ENAH: variants seen among roughly 807,000 people sequenced by gnomAD.
ENAH encodes protein enabled homolog.
A neutral mutation model predicts 78.7 loss-of-function variants in ENAH; 23 were observed. That is an observed-to-expected ratio of 0.29 (90% CI 0.21 to 0.41). The LOEUF is 0.41. ENAH is among the 10% of genes least tolerant of loss of function. ENAH has a pLI of 1.00. For missense variants in ENAH, 544 were observed against 691.0 expected (o/e 0.79, Z 2.39); for synonymous variants, 226 against 241.0 (o/e 0.94, Z 0.58).
chr1:225,525,533 C>T (rs1268974726), intron 4 of ENAH, among the ~76,000 whole-genome samples: 3 of 152,170 alleles, frequency 2.0e-5, no homozygotes, highest in Admixed American at 1.3e-4. Flanking sequence ...AGAAACTACC[C>T]GTCGGGAGCC....
chr1:225,643,190 G>A (rs1220730270), intron 1 of ENAH, among the ~76,000 whole-genome samples: 2 of 152,108 alleles, frequency 1.3e-5, no homozygotes, highest in Non-Finnish European at 2.9e-5. Flanking sequence ...CTTTACATGG[G>A]AAATAACAAT....
chr1:225,535,384 T>C lies in ENAH; in HGVS notation c.350-4746A>G, dbSNP rs41310559. 2.7e-4 allele frequency: 121 copies of C among 451,370 alleles called. 1 individual carries two copies. The highest frequency in any genetic ancestry group is 1.2e-3 in the South Asian group (55 of 46,492). The allele number at this position is 451,370 out of a possible 1,614,324, so 28.0% of individuals were successfully genotyped here. ...AACAAATATCACAACATAAAAACAATAGCTTGCTATATATCCCAAATATCA... is the reference window on the plus strand; with the variant it reads ...AACAAATATCACAACATAAAAACAACAGCTTGCTATATATCCCAAATATCA... On this transcript the variant is annotated intron_variant, in intron 3 of 13. Transcript: ENST00000366843.
At chr1:225,652,569 C>T (rs1312648345) in intron 1 of ENAH, 117 bp downstream of exon 1, 2 of 1,115,336 alleles carry the variant, frequency 1.8e-6, no homozygotes, top group Non-Finnish European at 2.3e-6. Context: ...AGGAACAGAC[C>T]GGAGACCAGG....
intron 1 of ENAH, among the ~76,000 whole-genome samples, chr1:225,583,007 A>G (rs2096826938): frequency 6.6e-6 from 1 of 152,250 alleles, no homozygotes; most frequent in Admixed American, 6.5e-5. Context: ...AGACATCTTC[A>G]TATTGTACTG....
At chr1:225,629,717 A>G (rs1393611309) in intron 1 of ENAH, among the ~76,000 whole-genome samples, 1 of 148,752 alleles carries the variant, frequency 6.7e-6, no homozygotes, top group African/African-American at 2.6e-5. Context: ...ACTCATCCCT[A>G]TTCATCAATT....
intron 1 of ENAH, among the ~76,000 whole-genome samples, chr1:225,616,992 G>A (rs762944712): frequency 2.1e-4 from 32 of 151,928 alleles, no homozygotes; most frequent in Non-Finnish European, 8.8e-5. Flanking sequence ...CCAGCTACTC[G>A]GGAGGTTGAG....
At chr1:225,625,091 C>T (rs796721048) in intron 1 of ENAH, among the ~76,000 whole-genome samples, 20 of 152,288 alleles carry the variant, frequency 1.3e-4, no homozygotes, top group African/African-American at 4.8e-4. Flanking sequence ...CATGTGAAAG[C>T]AGAAGAGCTG....
intron 1 of ENAH, among the ~76,000 whole-genome samples, chr1:225,576,176 C>G (rs909125382): frequency 4.6e-5 from 7 of 150,814 alleles, no homozygotes; most frequent in Non-Finnish European, 8.8e-5. Flanking sequence ...ACTTGGGAGG[C>G]TGAGGTGGGA....
chr1:225,618,493 G>C (rs1314457456), intron 1 of ENAH, among the ~76,000 whole-genome samples: 4 of 152,110 alleles, frequency 2.6e-5, no homozygotes, highest in Non-Finnish European at 4.4e-5. Context: ...CAGAAAAAAA[G>C]GGGAAGATAA....
rs560707845 is a variant in ENAH, at chr1:225,494,216, A to C, written c.*3559T>G. 1.3e-5 allele frequency: 2 copies of C among 152,084 alleles called. No homozygotes were observed. Among genetic ancestry groups the C allele is most frequent in the East Asian group, 3.9e-4 (2 of 5,178 alleles). 9.4% of individuals were successfully genotyped at this position (152,084 alleles called of 1,614,324 possible). A position where few individuals can be genotyped will look rare whatever the true frequency, so the allele number is the denominator to read the frequency against. On this transcript the variant is annotated 3_prime_UTR_variant, in exon 14 of 14. Transcript: ENST00000366843. ...AAAATTTGGGTCTGGTCAAAGAAAA[A>C]ATACAAGGATTGTATTTTTGTATTT... is the stretch of plus-strand genomic sequence containing the variant.
intron 3 of ENAH, 134 bp from the exon 4 acceptor site, chr1:225,530,772 T>C (rs558026724): frequency 3.3e-4 from 226 of 675,576 alleles, no homozygotes; most frequent in Middle Eastern, 7.5e-4. Context: ...CAAAATAAAA[T>C]ATAAGCTTTA....
At chr1:225,518,110 G>T in intron 5 of ENAH, 3 of 803,506 alleles carry the variant, frequency 3.7e-6, no homozygotes, top group Non-Finnish European at 5.7e-6. Context: ...ACTACAGTTA[G>T]TATCAGAGAA....
At chr1:225,559,216 T>G (rs1390767497) in intron 2 of ENAH, among the ~76,000 whole-genome samples, 2 of 152,194 alleles carry the variant, frequency 1.3e-5, no homozygotes, top group East Asian at 3.9e-4. Context: ...TTCAGAAAGG[T>G]ATTTCTTAAC....
chr1:225,588,400 C>A (rs1254403060), intron 1 of ENAH, among the ~76,000 whole-genome samples: 1 of 152,152 alleles, frequency 6.6e-6, no homozygotes, highest in East Asian at 1.9e-4. Flanking sequence ...CAGGGAAACG[C>A]CAGTTAAAAT....
intron 1 of ENAH, among the ~76,000 whole-genome samples, chr1:225,641,056 G>C (rs1660962412): frequency 6.6e-6 from 1 of 151,620 alleles, no homozygotes; most frequent in Non-Finnish European, 1.5e-5. Flanking sequence ...GTAGAGACAG[G>C]GTTTCACCGT....
At chr1:225,513,157 T>C (rs2096390179) in intron 7 of ENAH, 141 bp from the exon 8 acceptor site, 11 of 697,282 alleles carry the variant, frequency 1.6e-5, no homozygotes, top group Admixed American at 1.1e-4. Context: ...TAAGAACCAA[T>C]AGATTCTTAG....
chr1:225,507,990 G>A lies in ENAH; in HGVS notation c.1499C>T (p.Thr500Ile). 1.3e-6 allele frequency: 2 copies of A among 1,560,908 alleles called. No individual in the cohort carries two copies. Among genetic ancestry groups the A allele is most frequent in the Non-Finnish European group, 1.7e-6 (2 of 1,162,412 alleles). The change falls in exon 11 of 14, where the codon ACA becomes ATA. Residue 500 changes from threonine to isoleucine, a missense_variant. Thr to Ile is a moderately conservative substitution (Grantham distance 89). Around this residue, in one of 4 missense-constraint regions of ENAH, gnomAD observed 97 missense variants for 124.4 expected, o/e 0.78. Transcript: ENST00000366843. ...TGACTTGCTGCCATTCATTGTATTT[G>A]TTCTTTCCCAAGGTTTTCTTGTTGG... ...PEPTRKPWER[T>I]NTMNGSKSPV...
intron 1 of ENAH, among the ~76,000 whole-genome samples, chr1:225,642,959 T>C (rs1399819810): frequency 6.6e-6 from 1 of 152,176 alleles, no homozygotes. Context: ...GGCCAGAATG[T>C]GGGGTAACTA....
chr1:225,519,119 A>C, intron 5 of ENAH, 79 bp downstream of exon 5: 1 of 1,534,748 alleles, frequency 6.5e-7, no homozygotes, highest in East Asian at 2.3e-5. Flanking sequence ...CAAATGTGAA[A>C]TATTTTAACA....
Sources: allele counts gnomAD v4.1 joint callset (sites outside exome capture counted in the v4.1 genomes callset), GRCh38; gene constraint gnomAD v4.1.1; regional missense constraint gnomAD v4.1.1; transcripts MANE v1.5; gene names NCBI Gene and HGNC (gene_info 2026-07-23, HGNC 2026-07-21).